The following IAH1 variants were observed in gnomAD, a reference collection of about 807,000 sequenced individuals.
IAH1 encodes isoamyl acetate hydrolyzing esterase 1 (putative), also known as isoamyl acetate-hydrolyzing esterase 1 homolog.
IAH1 carries 24 observed loss-of-function variants against 26.7 expected under a neutral mutation model. That is an observed-to-expected ratio of 0.90 (90% CI 0.65 to 1.26). The LOEUF is 1.26. IAH1 is among the 50% of genes most tolerant of loss of function. The pLI is 0.00. For missense variants in IAH1, 300 were observed against 299.9 expected, an observed-to-expected ratio of 1.00 and a Z score of 0.00; for synonymous variants, 140 against 118.5, an observed-to-expected ratio of 1.18 and a Z score of -1.18.
downstream of IAH1, among the ~76,000 whole-genome samples, chr2:9,494,480 C>T (rs1245658987): frequency 1.3e-5 from 2 of 152,184 alleles, no homozygotes; most frequent in Non-Finnish European, 2.9e-5. Flanking sequence ...GAAAGCACTC[C>T]GTCTTCTCCT....
downstream of IAH1, chr2:9,497,346 ACCTT>A: frequency 1.3e-6 from 2 of 1,515,132 alleles, no homozygotes; most frequent in Admixed American, 4.0e-5. Flanking sequence ...TGAGCATCTT[ACCTT>A]GCAAAAGCAA....
chr2:9,475,679 T>C, intron 1 of IAH1: 1 of 385,908 alleles, frequency 2.6e-6, no homozygotes, highest in Non-Finnish European at 4.8e-6. Flanking sequence ...TTTTGTAATT[T>C]TAGTAGAGAC....
downstream of IAH1, chr2:9,490,432 C>T (rs766337117): frequency 1.5e-5 from 24 of 1,614,084 alleles, no homozygotes; most frequent in Non-Finnish European, 5.1e-6. Context: ...CAGGGGCAGG[C>T]TGCAGGCGGC....
chr2:9,494,705 C>A, downstream of IAH1: 1 of 1,614,066 alleles, frequency 6.2e-7, no homozygotes, highest in Non-Finnish European at 8.5e-7. Context: ...TGTTCAGCAT[C>A]GACATAGGGC....
downstream of IAH1, chr2:9,494,576 A>C (rs1490162343): frequency 1.9e-6 from 3 of 1,588,320 alleles, no homozygotes; most frequent in African/African-American, 4.1e-5. Context: ...AAAATCAAGT[A>C]CTTACAAAAT....
At chr2:9,502,793 C>T in the IAH1 span, among the ~76,000 whole-genome samples, 4 of 148,240 alleles carry the variant, frequency 2.7e-5, no homozygotes, top group South Asian at 2.2e-4. Flanking sequence ...GCAGGAGAAT[C>T]GCCTGGACCC....
chr2:9,511,930 A>T, the IAH1 span, among the ~76,000 whole-genome samples: 1 of 152,062 alleles, frequency 6.6e-6, no homozygotes, highest in Non-Finnish European at 1.5e-5. Context: ...GAGATAGGCC[A>T]CTGAACCCCC....
In IAH1 at chr2:9,484,542, G is replaced by T; in HGVS notation, c.556G>T (p.Asp186Tyr). Reference protein sequence around the residue: ...DVLDLWTLMQDSQDFSSYLSD... With the variant: ...DVLDLWTLMQYSQDFSSYLSD... Reference sequence around the variant, plus strand: ...ACTTGACCTGTGGACCCTGATGCAGGACAGCCAGGTACGGTGGCTTGCTCG... The same window carrying T: ...ACTTGACCTGTGGACCCTGATGCAGTACAGCCAGGTACGGTGGCTTGCTCG... Residue 186 changes from aspartate to tyrosine, a missense_variant, in exon 5 of 6, where the codon GAC becomes TAC. Coordinates refer to ENST00000497473, the MANE Select transcript of IAH1 (RefSeq NM_001039613.3). The T allele has an allele frequency of 6.2e-7, 1 of 1,612,232 alleles. No individual in the cohort carries two copies. Among genetic ancestry groups the T allele is most frequent in the Non-Finnish European group, 8.5e-7 (1 of 1,178,368 alleles).
In IAH1 at chr2:9,494,812, T is replaced by C. The variant is rs767461269; in HGVS notation, c.*174T>C. ...TTGACAGCTGGATTGTTCTGAGACC[T>C]GCCTCTCCTCCTGCCTCCTCTTTCC... On this transcript the variant is annotated 3_prime_UTR_variant, in exon 6 of 7. Coordinates refer to the IAH1 transcript ENST00000481367. The C allele has an allele frequency of 2.3e-5, 37 of 1,605,376 alleles. No homozygotes were observed. The South Asian group carries it at 3.8e-4, about 16-fold the overall frequency.
At chr2:9,490,167 G>T (rs763335447), downstream of IAH1, 2 of 1,582,326 alleles carry the variant, frequency 1.3e-6, no homozygotes, top group Non-Finnish European at 1.7e-6. Flanking sequence ...CAGAAGAGCT[G>T]AGAACTAAAT....
the IAH1 span, among the ~76,000 whole-genome samples, chr2:9,509,141 A>G: frequency 1.3e-5 from 2 of 152,212 alleles, no homozygotes; most frequent in Non-Finnish European, 2.9e-5. Flanking sequence ...AGCCAAGCTC[A>G]AAATAGGAGT....
At chr2:9,478,626 G>A (rs1297583009) in intron 3 of IAH1, among the ~76,000 whole-genome samples, 1 of 152,188 alleles carries the variant, frequency 6.6e-6, no homozygotes, top group African/African-American at 2.4e-5. Context: ...TTAGTGCTAT[G>A]CTAAGTTTGT....
chr2:9,490,433 T>G (rs774314959), downstream of IAH1: 24 of 1,614,102 alleles, frequency 1.5e-5, no homozygotes, highest in Non-Finnish European at 5.1e-6. Context: ...AGGGGCAGGC[T>G]GCAGGCGGCC....
At position 9,478,291 on chromosome 2, in the gene IAH1, A is replaced by G. The variant is rs374166024; in HGVS notation, c.204A>G (p.Arg68=). 1,046 of 1,613,390 alleles carry G rather than the reference A, an allele frequency of 6.5e-4. 2 individuals are homozygous for G. The highest frequency in any genetic ancestry group is 7.6e-4 in the Non-Finnish European group (898 of 1,179,602). The change falls in exon 3 of 6, where the codon AGA becomes AGG. Residue 68 remains arginine, a synonymous_variant. Transcript: ENST00000497473. ...NTRWAKIILP[R]LIRKGNSLDI... ...GGTGGGCCAAAATTATCCTTCCAAG[A>G]TTAATCAGGAAAGGAAACAGTTTGG...
At chr2:9,506,359 G>GTTT in the IAH1 span, among the ~76,000 whole-genome samples, 34 of 73,238 alleles carry the variant, frequency 4.6e-4, 3 homozygotes, top group African/African-American at 1.2e-3. Flanking sequence ...CTTCAAATCT[G>GTTT]TTTTTTTTTT....
chr2:9,490,451 T>G, downstream of IAH1: 1 of 1,614,090 alleles, frequency 6.2e-7, no homozygotes, highest in Non-Finnish European at 8.5e-7. Flanking sequence ...GCCTGGAGTC[T>G]GGGGCGCAGG....
intron 2 of IAH1, among the ~76,000 whole-genome samples, chr2:9,477,495 A>G (rs1407202533): frequency 6.6e-6 from 1 of 152,002 alleles, no homozygotes; most frequent in Non-Finnish European, 1.5e-5. Flanking sequence ...ACTAAGAAAA[A>G]AAGAGTCCCT....
chr2:9,474,851 C>T lies in IAH1; in HGVS notation c.81+204C>T, dbSNP rs1682382500. 5.9e-6 allele frequency: 3 copies of T among 512,600 alleles called. No homozygotes were observed. In the East Asian group the frequency reaches 1.3e-4, roughly 23 times the overall value. The allele number at this position is 512,600 out of a possible 1,614,324, so 31.8% of individuals were successfully genotyped here. ...CGCGGCGTCCCGGAGGTCACGACGG[C>T]GTCCGCGAGAGCCCGGGCTCCAGGC... On this transcript the variant is annotated intron_variant, in intron 1 of 5. Transcript: ENST00000497473. The surrounding 1 kb of genome is among the most constrained non-coding windows in gnomAD (Gnocchi z 4.3).
At chr2:9,486,961 G>C (rs1661532433) in intron 5 of IAH1, 2 of 152,218 alleles carry the variant, frequency 1.3e-5, no homozygotes, top group Non-Finnish European at 2.9e-5. Context: ...GCCTGGTATG[G>C]CTGCTCATGC....
Sources: gnomAD v4.1 joint callset for allele counts (sites outside exome capture counted in the v4.1 genomes callset) on GRCh38, gnomAD v4.1.1 for gene constraint, Gnocchi (gnomAD v3.1) non-coding constraint, MANE v1.5 for transcripts, NCBI Gene and HGNC (gene_info 2026-07-23, HGNC 2026-07-21) for gene names.